Variants in TMIE observed in about 807,000 individuals in gnomAD.
TMIE encodes transmembrane inner ear, also known as transmembrane inner ear expressed protein.
TMIE carries 14 observed loss-of-function variants against 16.8 expected under a neutral mutation model. That is an observed-to-expected ratio of 0.83 (90% CI 0.55 to 1.30). TMIE has a LOEUF of 1.30. Ranked by LOEUF, TMIE falls within the 50% of genes most tolerant of loss-of-function variation. The pLI is 0.00. For missense variants in TMIE, 204 were observed against 205.9 expected (o/e 0.99, Z 0.06); for synonymous variants, 75 against 87.2 (o/e 0.86, Z 0.78).
chr3:46,694,838 C>G (rs542309328), intron 1 of TMIE, among the ~76,000 whole-genome samples: 358 of 152,292 alleles, frequency 2.4e-3, no homozygotes, highest in Non-Finnish European at 4.4e-3. Flanking sequence ...TCCTGCTTCT[C>G]CATCCCTCCC....
chr3:46,703,037 T>G (rs927168141), intron 1 of TMIE, among the ~76,000 whole-genome samples: 2 of 152,144 alleles, frequency 1.3e-5, no homozygotes, highest in African/African-American at 4.8e-5. Context: ...CTAGGGAAAT[T>G]GCATTTGGAG....
In TMIE at chr3:46,701,661, C is replaced by A. The variant is rs1370614606; in HGVS notation, c.93+81C>A. 3 of 1,125,334 alleles carry A rather than the reference C, an allele frequency of 2.7e-6. No individual in the cohort carries two copies. Among genetic ancestry groups the A allele is most frequent in the Non-Finnish European group, 3.4e-6 (3 of 880,966 alleles). 69.7% of individuals were successfully genotyped at this position (1,125,334 alleles called of 1,614,324 possible). On this transcript the variant is annotated intron_variant, in intron 1 of 3. Transcript: ENST00000643606. This position sits in a 1 kb window ranked among gnomAD's most constrained non-coding sequence, Gnocchi z 4.3. ...GGGGGAGAGGGGACGCCTTTTTGAT[C>A]CGGAGCTTGTTTGATCCCTTACTCT...
intron 1 of TMIE, among the ~76,000 whole-genome samples, chr3:46,695,023 T>C (rs981974384): frequency 2.6e-5 from 4 of 152,146 alleles, no homozygotes; most frequent in African/African-American, 9.7e-5. Context: ...CAAGGAGGCT[T>C]CTGGTGAGGT....
At chr3:46,705,938 C>G in intron 2 of TMIE, 31 bp downstream of exon 2, 2 of 1,598,696 alleles carry the variant, frequency 1.3e-6, no homozygotes, top group Non-Finnish European at 1.7e-6. Flanking sequence ...CTCTCCACCA[C>G]ACTGCAGTGG....
At chr3:46,709,440 A>G in intron 3 of TMIE, 139 bp from the exon 4 acceptor site, 1 of 1,604,790 alleles carries the variant, frequency 6.2e-7, no homozygotes, top group East Asian at 2.2e-5. Flanking sequence ...GGCAAATAGA[A>G]CGATGAGCCT....
At chr3:46,706,478 C>T (rs1419931452) in intron 2 of TMIE, among the ~76,000 whole-genome samples, 3 of 152,184 alleles carry the variant, frequency 2.0e-5, no homozygotes, top group Non-Finnish European at 2.9e-5. Context: ...CCTTAGCCCT[C>T]CCCTCAGAAT....
At chr3:46,694,230 C>G (rs1700343238), upstream of TMIE, among the ~76,000 whole-genome samples, 1 of 152,234 alleles carries the variant, frequency 6.6e-6, no homozygotes, top group Admixed American at 6.5e-5. Context: ...CCTGTGCGAC[C>G]TTGGGGAAGT....
chr3:46,699,747 AG>A (rs1700448025), upstream of TMIE, among the ~76,000 whole-genome samples: 1 of 152,236 alleles, frequency 6.6e-6, no homozygotes, highest in Non-Finnish European at 1.5e-5. Flanking sequence ...TGAACTTTAC[AG>A]AAAACAGAAA....
At chr3:46,700,534 A>G (rs1234934584), upstream of TMIE, among the ~76,000 whole-genome samples, 2 of 152,110 alleles carry the variant, frequency 1.3e-5, no homozygotes, top group Non-Finnish European at 2.9e-5. Context: ...GGAGATAAAT[A>G]AGAATAGAAG....
At chr3:46,707,084 G>A (rs796481116) in intron 2 of TMIE, among the ~76,000 whole-genome samples, 4 of 152,204 alleles carry the variant, frequency 2.6e-5, no homozygotes, top group Admixed American at 2.6e-4. Flanking sequence ...GTTCCCAGCC[G>A]AGGCTGAGAA....
intron 2 of TMIE, among the ~76,000 whole-genome samples, chr3:46,708,686 A>G (rs1457423498): frequency 6.6e-6 from 1 of 152,230 alleles, no homozygotes; most frequent in Non-Finnish European, 1.5e-5. Context: ...ACGTCCTCTC[A>G]TGACTGAGGC....
upstream of TMIE, among the ~76,000 whole-genome samples, chr3:46,699,335 T>C (rs11130105): frequency 6.6e-6 from 1 of 152,180 alleles, no homozygotes; most frequent in Admixed American, 6.5e-5. Context: ...CCTCCCAAGG[T>C]GCTGGGATTA....
At position 46,709,948 on chromosome 3, in the gene TMIE, C is replaced by T. The variant is rs62246206; in HGVS notation, c.*260C>T. On this transcript the variant is annotated 3_prime_UTR_variant, in exon 4 of 4. Transcript: ENST00000643606. The stretch of plus-strand genomic sequence containing the variant: ...CTCGGCAGAGGTGGTCTGGTGCCAC[C>T]GTCCCTCTGCAGATACACTGCTCTC... 2 of 574,004 alleles carry T rather than the reference C, an allele frequency of 3.5e-6. No individual in the cohort carries two copies. Among genetic ancestry groups the T allele is most frequent in the Non-Finnish European group, 6.0e-6 (2 of 333,296 alleles). The allele number at this position is 574,004 out of a possible 1,614,324, so 35.6% of individuals were successfully genotyped here.
Position 46,710,049 on chromosome 3 carries a change from G to T in TMIE, c.*361G>T, listed in dbSNP as rs530955016. 1 of 366,444 alleles carries T rather than the reference G, an allele frequency of 2.7e-6. No homozygotes were observed. The highest frequency in any genetic ancestry group is 2.1e-5 in the African/African-American group (1 of 47,460). 22.7% of individuals were successfully genotyped at this position (366,444 alleles called of 1,614,324 possible). ...CTGTGAAGGAGTAATGGGATATGGG[G>T]TTACTTCAGCCACCCTTTCTGGCAC... On this transcript the variant is annotated 3_prime_UTR_variant, in exon 4 of 4. Transcript: ENST00000643606.
chr3:46,697,063 T>TA (rs942728774), upstream of TMIE, among the ~76,000 whole-genome samples: 2 of 152,108 alleles, frequency 1.3e-5, no homozygotes, highest in Admixed American at 1.3e-4. Flanking sequence ...ATAACCCCTC[T>TA]ATGAGCTTAA....
chr3:46,700,950 G>C (rs1700462163), upstream of TMIE, among the ~76,000 whole-genome samples: 1 of 151,884 alleles, frequency 6.6e-6, no homozygotes, highest in Non-Finnish European at 1.5e-5. Flanking sequence ...AGGGTGACCA[G>C]AGCCGCCTCT....
At chr3:46,708,865 C>T (rs530933334) in intron 2 of TMIE, among the ~76,000 whole-genome samples, 27 of 152,364 alleles carry the variant, frequency 1.8e-4, no homozygotes, top group Admixed American at 7.8e-4. Flanking sequence ...ACCCTCAGGA[C>T]CAGGACTGGT....
upstream of TMIE, chr3:46,701,234 C>G: frequency 8.5e-6 from 3 of 351,986 alleles, no homozygotes; most frequent in East Asian, 5.5e-5. This position sits in a 1 kb window ranked among gnomAD's most constrained non-coding sequence, Gnocchi z 4.3. Flanking sequence ...ACCTCAGTGT[C>G]CCTGGGGATG....
chr3:46,695,665 C>G (rs1053597466), intron 1 of TMIE, among the ~76,000 whole-genome samples: 1 of 152,172 alleles, frequency 6.6e-6, no homozygotes, highest in Non-Finnish European at 1.5e-5. Context: ...CAGATCTGAT[C>G]TTATGCTAGG....
Sources: gnomAD v4.1 joint callset for allele counts (sites outside exome capture counted in the v4.1 genomes callset) on GRCh38, gnomAD v4.1.1 for gene constraint, Gnocchi (gnomAD v3.1) non-coding constraint, MANE v1.5 for transcripts, NCBI Gene and HGNC (gene_info 2026-07-23, HGNC 2026-07-21) for gene names.